ATF7IP2: variants seen among roughly 807,000 people sequenced by gnomAD.
ATF7IP2 encodes activating transcription factor 7 interacting protein 2.
Under a neutral mutation model 64.2 loss-of-function variants are expected in ATF7IP2, and 42 were observed. The ratio of observed to expected loss-of-function variants is 0.65; its 90% CI spans 0.51 to 0.85. The LOEUF (loss-of-function observed/expected upper bound fraction) is 0.85, where lower values mean the gene tolerates loss of function less well. Ranked by LOEUF, ATF7IP2 falls within the 40% of genes least tolerant of loss-of-function variation. The probability of loss-of-function intolerance (pLI) is 0.00; values close to 1 mark genes in which losing one functional copy is unlikely to be tolerated. For missense variants in ATF7IP2, 933 were observed against 784.2 expected (o/e 1.19, Z -2.27); for synonymous variants, 308 against 272.8 (o/e 1.13, Z -1.27).
At chr16:10,467,934 C>T (rs1160404888) in intron 9 of ATF7IP2, among the ~76,000 whole-genome samples, 1 of 144,998 alleles carries the variant, frequency 6.9e-6, no homozygotes, top group Non-Finnish European at 1.5e-5. Flanking sequence ...GGCTAGAGTG[C>T]AATGTCATGA....
intron 1 of ATF7IP2, among the ~76,000 whole-genome samples, chr16:10,390,980 T>C (rs920028075): frequency 4.1e-5 from 6 of 147,900 alleles, no homozygotes; most frequent in Non-Finnish European, 1.5e-5. Flanking sequence ...CTGGGCAGCA[T>C]AATGAGACCC....
chr16:10,427,662 C>A (rs1392103306), intron 3 of ATF7IP2, among the ~76,000 whole-genome samples: 1 of 152,068 alleles, frequency 6.6e-6, no homozygotes, highest in Non-Finnish European at 1.5e-5. Flanking sequence ...TTCAGACTAG[C>A]GTGGGCAACA....
At chr16:10,477,442 A>G (rs1185518405) in intron 12 of ATF7IP2, among the ~76,000 whole-genome samples, 2 of 151,976 alleles carry the variant, frequency 1.3e-5, no homozygotes, top group African/African-American at 4.8e-5. Context: ...CATGCTAAAA[A>G]CTCTCAATAA....
rs773643304 is a variant in ATF7IP2, at chr16:10,482,118, G to T, written c.1918G>T (p.Ala640Ser). ...GEIKALPLPMACTLSQFLASN... is the reference protein window; with the variant it reads ...GEIKALPLPMSCTLSQFLASN... ...AATTAAAGCTTTACCACTCCCCATG[G>T]CCTGTACTTTATCTCAGTTTTTAGC... Residue 640 changes from alanine (A) to serine (S), a missense_variant, in exon 14 of 14, where the codon GCC (alanine) becomes TCC (serine). Ala to Ser is a moderately conservative substitution (Grantham distance 99). Transcript: ENST00000562102. The T allele has an allele frequency of 1.9e-6, 3 of 1,614,042 alleles. No individual in the cohort carries two copies. The highest frequency in any genetic ancestry group is 2.5e-6 in the Non-Finnish European group (3 of 1,179,966).
chr16:10,404,605 A>C (rs1267417753), intron 1 of ATF7IP2, among the ~76,000 whole-genome samples: 1 of 152,082 alleles, frequency 6.6e-6, no homozygotes, highest in East Asian at 1.9e-4. Context: ...ATGCAGTGGC[A>C]CGATCATGGC....
intron 7 of ATF7IP2, among the ~76,000 whole-genome samples, chr16:10,440,114 C>A (rs561291354): frequency 6.6e-6 from 1 of 152,018 alleles, no homozygotes; most frequent in East Asian, 2.0e-4. Context: ...GAGTCGAGAT[C>A]GCACCATTGC....
chr16:10,471,267 C>T (rs567316975), intron 9 of ATF7IP2, among the ~76,000 whole-genome samples: 2 of 152,298 alleles, frequency 1.3e-5, no homozygotes, highest in African/African-American at 4.8e-5. Context: ...GTGGCTCACA[C>T]CTGTAATCCC....
At chr16:10,414,540 A>C (rs554212667) in intron 1 of ATF7IP2, 34 bp from the exon 2 acceptor site, 1 of 151,296 alleles carries the variant, frequency 6.6e-6, no homozygotes, top group South Asian at 2.1e-4. Context: ...CTCCTTGATT[A>C]GCTTAATAAC....
intron 1 of ATF7IP2, among the ~76,000 whole-genome samples, chr16:10,409,954 G>A (rs759270574): frequency 6.6e-5 from 10 of 152,160 alleles, no homozygotes; most frequent in Non-Finnish European, 7.3e-5. Flanking sequence ...TATACCAGTA[G>A]CATGCTGTTT....
intron 7 of ATF7IP2, among the ~76,000 whole-genome samples, chr16:10,439,868 A>G (rs895537922): frequency 6.6e-6 from 1 of 151,320 alleles, no homozygotes; most frequent in Non-Finnish European, 1.5e-5. Context: ...TACCTTTAAT[A>G]TTATACAAGC....
intron 8 of ATF7IP2, among the ~76,000 whole-genome samples, chr16:10,450,492 G>T (rs2048949105): frequency 6.6e-6 from 1 of 152,156 alleles, no homozygotes; most frequent in Non-Finnish European, 1.5e-5. Flanking sequence ...TTATGAATCT[G>T]GGTGTTCCTG....
chr16:10,447,978 T>A (rs1170653860), intron 8 of ATF7IP2: 2 of 152,168 alleles, frequency 1.3e-5, no homozygotes, highest in Non-Finnish European at 2.9e-5. Context: ...CCAGTTGCAG[T>A]TTTCTGCATA....
chr16:10,446,660 C>T (rs1467508942), intron 8 of ATF7IP2: 1 of 152,194 alleles, frequency 6.6e-6, no homozygotes, highest in Non-Finnish European at 1.5e-5. Flanking sequence ...ATTTTATCAT[C>T]TGTTGCTTTT....
At chr16:10,440,565 G>A (rs1247180493) in intron 8 of ATF7IP2, 103 bp downstream of exon 8, 1 of 698,482 alleles carries the variant, frequency 1.4e-6, no homozygotes, top group African/African-American at 1.9e-5. Context: ...AAGGTGTAAA[G>A]GTAAGTAAGT....
intron 8 of ATF7IP2, among the ~76,000 whole-genome samples, chr16:10,450,182 G>C (rs1276962627): frequency 6.6e-6 from 1 of 152,194 alleles, no homozygotes; most frequent in Non-Finnish European, 1.5e-5. Context: ...TGGTCTGAGA[G>C]ACTGTTAGGA....
intron 1 of ATF7IP2, among the ~76,000 whole-genome samples, chr16:10,392,880 G>T (rs2047354940): frequency 6.6e-6 from 1 of 151,394 alleles, no homozygotes; most frequent in African/African-American, 2.4e-5. Flanking sequence ...CCTGCTACTT[G>T]AAGGGTCAGG....
chr16:10,389,395 C>T (rs947691763), intron 1 of ATF7IP2, among the ~76,000 whole-genome samples: 1 of 152,100 alleles, frequency 6.6e-6, no homozygotes, highest in African/African-American at 2.4e-5. Context: ...CACATCCTCC[C>T]CTCCTTCCCT....
rs1206734711 is a variant in ATF7IP2 at position 10,430,677 on chromosome 16, C to T, written c.57C>T (p.Pro19=). 1 of 1,613,770 alleles carries T rather than the reference C, an allele frequency of 6.2e-7. No individual in the cohort carries two copies. The highest frequency in any genetic ancestry group is 8.5e-7 in the Non-Finnish European group (1 of 1,179,988). The change falls in exon 5 of 14, where the codon CCC becomes CCT. Residue 19 remains proline, a synonymous_variant. Transcript: ENST00000562102. ...RKILKAKKTM[P]LSCRKQVEML... ...TATTAAAAGCCAAAAAGACAATGCC[C>T]CTAAGTTGCCGGAAGCAAGTAGAGA...
In ATF7IP2 at chr16:10,482,500, C is replaced by G. The variant is rs1468677131; in HGVS notation, c.*251C>G. ...CCATGTTGCTGAGGTGCATTGTGAA[C>G]AATACCTTTAGTGACTGTGGAACTG... On this transcript the variant is annotated 3_prime_UTR_variant, in exon 14 of 14. Transcript: ENST00000562102. The G allele has an allele frequency of 3.2e-6, 1 of 311,380 alleles. No homozygotes were observed. Among genetic ancestry groups the G allele is most frequent in the Non-Finnish European group, 5.9e-6 (1 of 170,246 alleles). 19.3% of individuals were successfully genotyped at this position (311,380 alleles called of 1,614,324 possible). A position where few individuals can be genotyped will look rare whatever the true frequency, so the allele number is the denominator to read the frequency against.
Sources: gnomAD v4.1 joint callset for allele counts (sites outside exome capture counted in the v4.1 genomes callset) on GRCh38, gnomAD v4.1.1 for gene constraint, MANE v1.5 for transcripts, NCBI Gene and HGNC (gene_info 2026-07-23, HGNC 2026-07-21) for gene names.